NLGN3: variants seen among roughly 807,000 people sequenced by gnomAD.
The protein encoded by NLGN3 is neuroligin 3.
NLGN3 carries 11 observed loss-of-function variants against 42.9 expected under a neutral mutation model. That is an observed-to-expected ratio of 0.26 (90% CI 0.16 to 0.42). The LOEUF is 0.42. Among genes scored for constraint, NLGN3 ranks in the 10% least tolerant of loss-of-function variants. The probability of loss-of-function intolerance (pLI) is 1.00; values close to 1 mark genes in which losing one functional copy is unlikely to be tolerated. For missense variants in NLGN3, 374 were observed against 733.8 expected (o/e 0.51, Z 5.67); for synonymous variants, 279 against 312.7 (o/e 0.89, Z 1.14).
At chrX:71,163,914 C>A (rs2092438328) in intron 5 of NLGN3, among the ~76,000 whole-genome samples, 1 of 112,642 alleles carries the variant, frequency 8.9e-6, no homozygotes, top group South Asian at 3.6e-4. Context: ...GGTCTGCAGA[C>A]CCCTCCTTCC....
Position 71,170,198 on chromosome X carries a change from C to T in NLGN3, c.*101C>T, listed in dbSNP as rs1015387322. ...ACACACGCAGACACACACACACACA[C>T]ACATATATGTATACGCACGCACCCA... On this transcript the variant is annotated 3_prime_UTR_variant, in exon 8 of 8. Coordinates refer to ENST00000358741, the MANE Select transcript of NLGN3 (RefSeq NM_181303.2). 1 of 1,179,046 alleles carries T rather than the reference C, an allele frequency of 8.5e-7. No individual in the cohort carries two copies. The highest frequency in any genetic ancestry group is 3.1e-5 in the East Asian group (1 of 32,775).
rs1397665368 is a variant in NLGN3, at chrX:71,168,832, AGAAAGAAAG to A, written c.1704-421_1704-413del. 9.0e-4 allele frequency among the ~76,000 whole-genome samples: 74 copies of A among 82,104 alleles called. 1 individual carries two copies. Among genetic ancestry groups the A allele is most frequent in the African/African-American group, 4.7e-3 (69 of 14,655 alleles). The allele number at this position is 82,104 out of a possible 115,157, so 71.3% of individuals were successfully genotyped here. ...AGAAAGAGAAAAAAAAAAGAAAGAA[AGAAAGAAAG>A]AAAGAAAGAAAGAAAGAAAGAAAGA... is the stretch of plus-strand genomic sequence containing the variant. On this transcript the variant is annotated intron_variant, in intron 7 of 7. Coordinates refer to ENST00000358741, the MANE Select transcript of NLGN3 (RefSeq NM_181303.2).
Position 71,170,011 on chromosome X carries a change from C to A in NLGN3, c.2461C>A (p.Leu821Met). ...ITMIPNSLVGLQTLHPYNTFA... is the reference protein window; with the variant it reads ...ITMIPNSLVGMQTLHPYNTFA... ...TATGATCCCCAACTCCCTGGTAGGG[C>A]TGCAGACATTGCACCCCTATAACAC... is the stretch of plus-strand genomic sequence containing the variant. The change falls in exon 8 of 8, where the codon CTG becomes ATG. Residue 821 changes from leucine (L) to methionine (M), a missense_variant. Physicochemically the swap from Leu to Met is conservative, Grantham distance 15 (BLOSUM62 2). This residue lies in a region of NLGN3 where 92 missense variants were observed against 108.0 expected (regional missense o/e 0.85). Transcript: ENST00000358741. 1 of 1,209,960 alleles carries A rather than the reference C, an allele frequency of 8.3e-7. No homozygotes were observed. Among genetic ancestry groups the A allele is most frequent in the Non-Finnish European group, 1.1e-6 (1 of 894,706 alleles).
chrX:71,148,968 C>T, intron 3 of NLGN3, 63 bp downstream of exon 3: 1 of 760,682 alleles, frequency 1.3e-6, no homozygotes, highest in South Asian at 3.3e-5. Flanking sequence ...CCCACCTGCC[C>T]TTGCCCCCAG....
At chrX:71,164,549 G>A in intron 6 of NLGN3, among the ~76,000 whole-genome samples, 1 of 112,747 alleles carries the variant, frequency 8.9e-6, no homozygotes, top group Non-Finnish European at 1.9e-5. Flanking sequence ...GGGAAAGCAA[G>A]ATTCTCCTTC....
Position 71,153,494 on chromosome X carries a change from C to A in NLGN3, c.535C>A (p.Gln179Lys). The A allele has an allele frequency of 8.3e-7, 1 of 1,208,457 alleles. No individual in the cohort carries two copies. The highest frequency in any genetic ancestry group is 3.0e-5 in the East Asian group (1 of 33,756). ...GTCCCCAGGATCCGGCGCTAAGAAACAGGGCGAGGACTTAGCGGATAATGA... is the reference window on the plus strand; with the variant it reads ...GTCCCCAGGATCCGGCGCTAAGAAAAAGGGCGAGGACTTAGCGGATAATGA... ...CRKGGSGAKK[Q>K]GEDLADNDGD... The change falls in exon 4 of 8, where the codon CAG becomes AAG. Residue 179 changes from glutamine to lysine, a missense_variant. Gln to Lys is a moderately conservative substitution (Grantham distance 53). Coordinates refer to ENST00000358741, the MANE Select transcript of NLGN3 (RefSeq NM_181303.2).
chrX:71,145,212 G>T (rs2092361713), intron 1 of NLGN3, among the ~76,000 whole-genome samples: 1 of 100,984 alleles, frequency 9.9e-6, no homozygotes, highest in Admixed American at 1.1e-4. Context: ...AGCCCATCCC[G>T]CATGCTCATC....
rs1330121111 is a variant in NLGN3, at chrX:71,147,800, G to A, written c.51G>A (p.Thr17=). Reference sequence around the variant, plus strand: ...CGCTGTCCCTGAGCCCCAAGCCCACGGTTGGCAGGAGCCTGTGCCTCACCC... The same window carrying A: ...CGCTGTCCCTGAGCCCCAAGCCCACAGTTGGCAGGAGCCTGTGCCTCACCC... The part of the protein sequence containing the change: ...PPSLSLSPKP[T]VGRSLCLTLW... Residue 17 remains threonine (T), a synonymous_variant, in exon 2 of 8, where the codon ACG becomes ACA. Transcript: ENST00000358741. The A allele has an allele frequency of 4.1e-6, 5 of 1,210,245 alleles. No homozygotes were observed. The highest frequency in any genetic ancestry group is 1.8e-5 in the South Asian group (1 of 56,657).
Position 71,153,500 on chromosome X carries a change from G to A in NLGN3, c.541G>A (p.Glu181Lys), listed in dbSNP as rs753787409. ...AGGATCCGGCGCTAAGAAACAGGGC[G>A]AGGACTTAGCGGATAATGACGGGGA... ...KGGSGAKKQG[E>K]DLADNDGDED... Residue 181 changes from glutamate (E) to lysine (K), a missense_variant, in exon 4 of 8, where the codon GAG becomes AAG. Glu to Lys is a moderately conservative substitution (Grantham distance 56). Transcript: ENST00000358741. 14 of 1,209,653 alleles carry A rather than the reference G, an allele frequency of 1.2e-5. No individual in the cohort carries two copies. The highest frequency in any genetic ancestry group is 3.5e-5 in the South Asian group (2 of 56,378).
At chrX:71,150,483 C>T (rs758718819) in intron 3 of NLGN3, among the ~76,000 whole-genome samples, 22 of 111,013 alleles carry the variant, frequency 2.0e-4, no homozygotes, top group African/African-American at 6.9e-4. Flanking sequence ...AGGTGGATCA[C>T]GAGGTCAGGA....
chrX:71,166,344 T>C (rs1254499608), intron 6 of NLGN3, among the ~76,000 whole-genome samples: 1 of 109,240 alleles, frequency 9.2e-6, no homozygotes, highest in African/African-American at 3.3e-5. Flanking sequence ...TAATCCCAGC[T>C]ACTCGGGAGG....
intron 1 of NLGN3, among the ~76,000 whole-genome samples, chrX:71,146,336 G>A (rs1233871946): frequency 9.3e-6 from 1 of 108,032 alleles, no homozygotes; most frequent in Non-Finnish European, 1.9e-5. Flanking sequence ...GGGAGAAATG[G>A]AGGAAAACTA....
Position 71,164,128 on chromosome X carries a change from C to T in NLGN3, c.728-15C>T, listed in dbSNP as rs555467811. On this transcript the variant is annotated splice_polypyrimidine_tract_variant and intron_variant, in intron 5 of 7. Transcript: ENST00000358741. ...CCTCTGCCTTCATTGTCTTCATGCC[C>T]TTTGTTGAATCCAGGTTTCCTGAGT... is the stretch of plus-strand genomic sequence containing the variant. 1 of 1,209,939 alleles carries T rather than the reference C, an allele frequency of 8.3e-7. No individual in the cohort carries two copies. The highest frequency in any genetic ancestry group is 1.7e-5 in the African/African-American group (1 of 57,771).
chrX:71,145,394 C>G (rs1364637192), intron 1 of NLGN3, among the ~76,000 whole-genome samples: 1 of 100,245 alleles, frequency 1.0e-5, no homozygotes, highest in African/African-American at 3.7e-5. Flanking sequence ...CTATCCTCCC[C>G]CATTCCAGTG....
intron 3 of NLGN3, among the ~76,000 whole-genome samples, chrX:71,150,558 T>C (rs2092386850): frequency 1.8e-5 from 2 of 109,195 alleles, no homozygotes; most frequent in African/African-American, 6.7e-5. Flanking sequence ...AAAAATTAGC[T>C]GGGCGTGGTG....
chrX:71,171,740 T>G, downstream of NLGN3: 1 of 663,247 alleles, frequency 1.5e-6, no homozygotes, highest in Non-Finnish European at 1.8e-6. Context: ...TTTGCTGCTC[T>G]GTGAATTAGA....
At chrX:71,166,951 A>C in intron 6 of NLGN3, 60 bp from the exon 7 acceptor site, 1,272 of 918,889 alleles carry the variant, frequency 1.4e-3, no homozygotes, top group Non-Finnish European at 1.7e-3. Flanking sequence ...AAAGGAATGA[A>C]GAGATTTATG....
chrX:71,155,425 GCTGGAGAATTTAAAAACAGATAGC>G (rs2092405451), intron 5 of NLGN3, 62 bp downstream of exon 5: 1 of 1,161,605 alleles, frequency 8.6e-7, no homozygotes, highest in Non-Finnish European at 1.2e-6. Context: ...AGGAAAGAAT[GCTGGAGAATTTAAAAACAGATAGC>G]CTTGCTTCTC....
intron 3 of NLGN3, among the ~76,000 whole-genome samples, chrX:71,153,252 G>A (rs982273603): frequency 3.6e-5 from 4 of 112,656 alleles, no homozygotes; most frequent in Non-Finnish European, 7.5e-5. Context: ...GGGGCAAGGC[G>A]GTGCAGAGAG....
Sources: gnomAD v4.1 joint callset for allele counts (sites outside exome capture counted in the v4.1 genomes callset) on GRCh38, gnomAD v4.1.1 for gene constraint, gnomAD v4.1.1 regional missense constraint, MANE v1.5 for transcripts, NCBI Gene and HGNC (gene_info 2026-07-23, HGNC 2026-07-21) for gene names.